The following SCAPER variants were observed in gnomAD, a reference collection of about 807,000 sequenced individuals.
SCAPER encodes the protein S phase cyclin A-associated protein in the endoplasmic reticulum.
A neutral mutation model predicts 182.2 loss-of-function variants in SCAPER; 98 were observed. The observed-to-expected ratio is 0.54, with a 90% confidence interval of 0.46 to 0.64. The LOEUF (loss-of-function observed/expected upper bound fraction) is 0.64. Ranked by LOEUF, SCAPER falls within the 30% of genes least tolerant of loss-of-function variation. SCAPER has a pLI of 0.00. For missense variants in SCAPER, 1,432 were observed against 1,690.0 expected (o/e 0.85, Z 2.68); for synonymous variants, 605 against 564.6 (o/e 1.07, Z -1.01).
At chr15:76,359,010 T>C (rs184306808) in intron 29 of SCAPER, among the ~76,000 whole-genome samples, 5 of 152,330 alleles carry the variant, frequency 3.3e-5, no homozygotes, top group South Asian at 2.1e-4. Flanking sequence ...CTTTATAAAA[T>C]GAGGGTAGAT....
At chr15:76,749,669 T>C (rs2061983606) in intron 15 of SCAPER, among the ~76,000 whole-genome samples, 1 of 151,980 alleles carries the variant, frequency 6.6e-6, no homozygotes, top group African/African-American at 2.4e-5. Context: ...TCATTGAATA[T>C]ACCATCAAAC....
At chr15:76,726,824 G>T (rs2060626367) in intron 17 of SCAPER, among the ~76,000 whole-genome samples, 1 of 152,060 alleles carries the variant, frequency 6.6e-6, no homozygotes, top group Non-Finnish European at 1.5e-5. Flanking sequence ...ATTGTCAGAG[G>T]CAAGTGGGGG....
chr15:76,514,470 A>G (rs754245619), intron 23 of SCAPER, among the ~76,000 whole-genome samples: 7 of 152,242 alleles, frequency 4.6e-5, no homozygotes, highest in Non-Finnish European at 7.3e-5. Flanking sequence ...TCCCAATCAA[A>G]GAAGAGGCAG....
At chr15:76,486,740 G>A (rs2051691375) in intron 24 of SCAPER, among the ~76,000 whole-genome samples, 1 of 152,186 alleles carries the variant, frequency 6.6e-6, no homozygotes, top group African/African-American at 2.4e-5. Flanking sequence ...TATACTGTTG[G>A]TGGGAGTGTA....
chr15:76,454,268 C>T (rs1234819973), intron 25 of SCAPER, among the ~76,000 whole-genome samples: 1 of 152,128 alleles, frequency 6.6e-6, no homozygotes, highest in Non-Finnish European at 1.5e-5. Flanking sequence ...CCCTGAAAAT[C>T]AGCACTGTCC....
chr15:76,394,127 C>T (rs1273260344), intron 27 of SCAPER, among the ~76,000 whole-genome samples: 4 of 152,072 alleles, frequency 2.6e-5, no homozygotes, highest in Non-Finnish European at 4.4e-5. Flanking sequence ...TATGAGGTAC[C>T]GTGAGACCAG....
chr15:76,712,763 G>A (rs1023574848), intron 17 of SCAPER, among the ~76,000 whole-genome samples: 1 of 151,974 alleles, frequency 6.6e-6, no homozygotes, highest in Admixed American at 6.6e-5. Flanking sequence ...GTATAAGAAT[G>A]CTTGTGATTT....
chr15:76,652,367 C>CAT (rs1226261626), intron 21 of SCAPER, among the ~76,000 whole-genome samples: 1 of 23,860 alleles, frequency 4.2e-5, no homozygotes, highest in Non-Finnish European at 6.6e-5. Flanking sequence ...CACACACACA[C>CAT]ACACATATAT....
intron 29 of SCAPER, among the ~76,000 whole-genome samples, chr15:76,359,271 C>T (rs1010646135): frequency 6.6e-6 from 1 of 152,118 alleles, no homozygotes; most frequent in African/African-American, 2.4e-5. Context: ...CTGGCAGAGG[C>T]AGGCCCCACT....
intron 25 of SCAPER, among the ~76,000 whole-genome samples, chr15:76,456,389 ATTTC>A (rs1400081046): frequency 6.6e-6 from 1 of 152,152 alleles, no homozygotes; most frequent in East Asian, 1.9e-4. Context: ...ATATTTTCTC[ATTTC>A]TTTGTGAATT....
In SCAPER at chr15:76,601,891, C is replaced by A. The variant is rs1477458423; in HGVS notation, c.2711+19873G>T. Among the ~76,000 whole-genome samples, 9 of 120,992 alleles carry A rather than the reference C, an allele frequency of 7.4e-5. 2 individuals carry two copies. The allele number at this position is 120,992 out of a possible 152,430, so 79.4% of individuals were successfully genotyped here. On this transcript the variant is annotated intron_variant, in intron 22 of 31. Transcript: ENST00000563290. ...TATGTGTGAGATTGGTTCCAGGAAC[C>A]CCATGTAAAGCAAAATCTGCACATA...
At chr15:76,554,171 A>T (rs1269909081) in intron 23 of SCAPER, among the ~76,000 whole-genome samples, 1 of 152,254 alleles carries the variant, frequency 6.6e-6, no homozygotes, top group Non-Finnish European at 1.5e-5. Context: ...ATACACTACA[A>T]GAATTTCATA....
intron 18 of SCAPER, among the ~76,000 whole-genome samples, chr15:76,704,510 G>C (rs963119116): frequency 6.6e-6 from 1 of 152,112 alleles, no homozygotes; most frequent in African/African-American, 2.4e-5. Context: ...TAAGGTGTAA[G>C]GAAGGGATCC....
At chr15:76,885,744 C>T (rs957311556) in intron 1 of SCAPER, among the ~76,000 whole-genome samples, 4 of 152,184 alleles carry the variant, frequency 2.6e-5, no homozygotes, top group Admixed American at 2.6e-4. Flanking sequence ...CTCAGCCTCC[C>T]AAAGTGCTGG....
chr15:76,384,537 T>C (rs1341412021), intron 27 of SCAPER, among the ~76,000 whole-genome samples: 1 of 152,220 alleles, frequency 6.6e-6, no homozygotes, highest in Non-Finnish European at 1.5e-5. Context: ...TGATGGATTA[T>C]AAAACAATAC....
At chr15:76,536,678 C>G (rs923248838) in intron 23 of SCAPER, among the ~76,000 whole-genome samples, 2 of 152,024 alleles carry the variant, frequency 1.3e-5, no homozygotes, top group African/African-American at 2.4e-5. Flanking sequence ...CCCTCTCTCA[C>G]CACTCCTATT....
At chr15:76,884,187 C>A (rs1388365340) in intron 1 of SCAPER, among the ~76,000 whole-genome samples, 1 of 152,182 alleles carries the variant, frequency 6.6e-6, no homozygotes, top group Admixed American at 6.5e-5. Context: ...ATATCTTACC[C>A]AGTTCATACA....
intron 2 of SCAPER, among the ~76,000 whole-genome samples, chr15:76,880,705 T>C (rs2073477327): frequency 6.6e-6 from 1 of 151,128 alleles, no homozygotes; most frequent in South Asian, 2.1e-4. Context: ...CTCTAGGATA[T>C]ATTGCTAAGT....
chr15:76,860,669 A>G (rs2071796136), intron 3 of SCAPER, among the ~76,000 whole-genome samples: 1 of 152,194 alleles, frequency 6.6e-6, no homozygotes, highest in Non-Finnish European at 1.5e-5. Context: ...TATAAGGAAA[A>G]AGATAAAATT....
Sources: allele counts gnomAD v4.1 joint callset (sites outside exome capture counted in the v4.1 genomes callset), GRCh38; gene constraint gnomAD v4.1.1; transcripts MANE v1.5; gene names NCBI Gene and HGNC (gene_info 2026-07-23, HGNC 2026-07-21).